Variants in ST6GALNAC3 observed in about 807,000 individuals in gnomAD.
The protein encoded by ST6GALNAC3 is ST6 N-acetylgalactosaminide alpha-2,6-sialyltransferase 3.
In ST6GALNAC3, 25 loss-of-function variants were observed where a neutral mutation model predicts 32.7. The observed-to-expected ratio is 0.76, with a 90% confidence interval of 0.56 to 1.07. The LOEUF (loss-of-function observed/expected upper bound fraction) is 1.07, where lower values mean the gene tolerates loss of function less well. ST6GALNAC3 is among the 50% of genes least tolerant of loss of function. The probability of loss-of-function intolerance (pLI) is 0.00; values close to 1 mark genes in which losing one functional copy is unlikely to be tolerated. For missense variants in ST6GALNAC3, 355 were observed against 382.4 expected, an observed-to-expected ratio of 0.93 and a Z score of 0.60; for synonymous variants, 129 against 133.1, an observed-to-expected ratio of 0.97 and a Z score of 0.21.
At chr1:76,171,129 T>C (rs916483863) in intron 1 of ST6GALNAC3, among the ~76,000 whole-genome samples, 2 of 133,748 alleles carry the variant, frequency 1.5e-5, no homozygotes, top group Non-Finnish European at 3.4e-5. Context: ...GTGCTGAAGA[T>C]AGTATTATCC....
At chr1:76,077,906 AC>A (rs1413011854) in intron 1 of ST6GALNAC3, among the ~76,000 whole-genome samples, 2 of 152,130 alleles carry the variant, frequency 1.3e-5, no homozygotes, top group Non-Finnish European at 2.9e-5. Context: ...TAAACCATTG[AC>A]CCCATTCTCA....
intron 3 of ST6GALNAC3, among the ~76,000 whole-genome samples, chr1:76,483,344 G>A (rs1019970864): frequency 1.3e-5 from 2 of 152,176 alleles, no homozygotes; most frequent in Non-Finnish European, 2.9e-5. Flanking sequence ...CCCACCAACA[G>A]TGTAAAAGTG....
chr1:76,494,860 C>T (rs1389812473), intron 3 of ST6GALNAC3, among the ~76,000 whole-genome samples: 1 of 151,752 alleles, frequency 6.6e-6, no homozygotes, highest in Non-Finnish European at 1.5e-5. Context: ...AGTAGGAAAC[C>T]CCAAAGAGCC....
intron 1 of ST6GALNAC3, among the ~76,000 whole-genome samples, chr1:76,243,870 G>A (rs1192006066): frequency 1.3e-5 from 2 of 152,190 alleles, no homozygotes; most frequent in East Asian, 1.9e-4. Context: ...ATAGTTTGAA[G>A]TCAGGTAGCA....
intron 3 of ST6GALNAC3, among the ~76,000 whole-genome samples, chr1:76,475,138 C>A (rs1659269320): frequency 1.3e-5 from 2 of 152,064 alleles, no homozygotes; most frequent in African/African-American, 4.8e-5. Flanking sequence ...TGCTACTTCC[C>A]ACTCACCAAG....
At chr1:76,414,865 T>C (rs1654506214) in intron 3 of ST6GALNAC3, among the ~76,000 whole-genome samples, 1 of 152,118 alleles carries the variant, frequency 6.6e-6, no homozygotes, top group Non-Finnish European at 1.5e-5. Context: ...AATATCATTA[T>C]ATATTTAGTT....
At chr1:76,214,430 C>T (rs1272869533) in intron 1 of ST6GALNAC3, among the ~76,000 whole-genome samples, 5 of 152,028 alleles carry the variant, frequency 3.3e-5, no homozygotes, top group Non-Finnish European at 5.9e-5. Context: ...GATGGAGTCT[C>T]ACCTCTTGAA....
chr1:76,450,489 T>A (rs986059364), intron 3 of ST6GALNAC3, among the ~76,000 whole-genome samples: 3 of 152,210 alleles, frequency 2.0e-5, no homozygotes, highest in African/African-American at 7.2e-5. Context: ...GATGTATAGA[T>A]TGTGAAGATT....
chr1:76,321,331 C>T (rs1486091094), intron 2 of ST6GALNAC3, among the ~76,000 whole-genome samples: 6 of 152,132 alleles, frequency 3.9e-5, no homozygotes, highest in Non-Finnish European at 7.4e-5. Context: ...GAAGCAGAAA[C>T]AAGTTGCAAG....
chr1:76,601,388 T>A (rs1328119837), intron 3 of ST6GALNAC3, among the ~76,000 whole-genome samples: 2 of 152,118 alleles, frequency 1.3e-5, no homozygotes, highest in Non-Finnish European at 2.9e-5. Context: ...TTCAGATGAA[T>A]AAAGGAATTA....
intron 3 of ST6GALNAC3, among the ~76,000 whole-genome samples, chr1:76,558,942 A>T (rs1665084628): frequency 6.6e-6 from 1 of 152,130 alleles, no homozygotes; most frequent in Non-Finnish European, 1.5e-5. Context: ...ATAAATTTTT[A>T]AAAAAGAAAA....
downstream of ST6GALNAC3, among the ~76,000 whole-genome samples, chr1:76,636,040 T>A (rs1649497583): frequency 6.6e-6 from 1 of 152,198 alleles, no homozygotes; most frequent in South Asian, 2.1e-4. Flanking sequence ...GGGTGAGTTG[T>A]TTGTTTTGAT....
intron 3 of ST6GALNAC3, among the ~76,000 whole-genome samples, chr1:76,555,367 A>G (rs563468795): frequency 1.8e-4 from 28 of 152,304 alleles, no homozygotes; most frequent in African/African-American, 6.7e-4. Flanking sequence ...ATATCATTAA[A>G]TCAGATACAA....
At chr1:76,250,040 C>T (rs1477193374) in intron 1 of ST6GALNAC3, among the ~76,000 whole-genome samples, 2 of 151,968 alleles carry the variant, frequency 1.3e-5, no homozygotes, top group Non-Finnish European at 2.9e-5. Context: ...CATTTTCTTC[C>T]ATTTTATGTT....
At chr1:76,569,862 C>T (rs1326969017) in intron 3 of ST6GALNAC3, among the ~76,000 whole-genome samples, 1 of 152,052 alleles carries the variant, frequency 6.6e-6, no homozygotes, top group African/African-American at 2.4e-5. Context: ...TAGCATCAGA[C>T]ATTTTTTTAA....
At chr1:76,432,883 G>A (rs34130960) in intron 3 of ST6GALNAC3, among the ~76,000 whole-genome samples, 5,917 of 152,236 alleles carry the variant, frequency 0.039, 164 homozygotes, top group Non-Finnish European at 0.06. Flanking sequence ...AATGAAAATT[G>A]TTTCAAAAGG....
chr1:76,607,190 T>C (rs1259336554), intron 3 of ST6GALNAC3, among the ~76,000 whole-genome samples: 1 of 152,224 alleles, frequency 6.6e-6, no homozygotes, highest in East Asian at 1.9e-4. Context: ...ATGGAAGAGA[T>C]CCAAGGGCAA....
intron 3 of ST6GALNAC3, among the ~76,000 whole-genome samples, chr1:76,539,494 A>G (rs190544346): frequency 1.0e-3 from 152 of 152,346 alleles, no homozygotes; most frequent in Non-Finnish European, 1.5e-3. Context: ...AGCAATGGTA[A>G]CAAAAGCCAA....
chr1:76,517,427 TTATA>T (rs765815488), intron 3 of ST6GALNAC3, among the ~76,000 whole-genome samples: 1 of 151,904 alleles, frequency 6.6e-6, no homozygotes, highest in African/African-American at 2.4e-5. Flanking sequence ...TATCTAACTT[TTATA>T]TAGTTTTTCA....
Sources: allele counts gnomAD v4.1 joint callset (sites outside exome capture counted in the v4.1 genomes callset), GRCh38; gene constraint gnomAD v4.1.1; transcripts MANE v1.5; gene names NCBI Gene and HGNC (gene_info 2026-07-23, HGNC 2026-07-21).